Variants in GPR39 observed in about 807,000 individuals in gnomAD.
GPR39 encodes G protein-coupled receptor 39, also known as zinc sensing receptor.
In GPR39, 23 loss-of-function variants were observed where a neutral mutation model predicts 18.4. The observed-to-expected ratio is 1.25, with a 90% CI of 0.90 to 1.77. GPR39 has a LOEUF of 1.77. Ranked by LOEUF, GPR39 falls within the 40% of genes most tolerant of loss-of-function variation. The pLI, the probability that GPR39 is intolerant of heterozygous loss-of-function variation, is 0.00. For synonymous variants in GPR39, 280 were observed against 257.9 expected (o/e 1.09, Z -0.82); for missense variants, 647 against 602.4 (o/e 1.07, Z -0.78).
intron 1 of GPR39, among the ~76,000 whole-genome samples, chr2:132,518,930 G>A (rs938503171): frequency 4.1e-4 from 63 of 152,106 alleles, no homozygotes; most frequent in African/African-American, 1.5e-3. Context: ...TAGCCACAAG[G>A]GGCTGGTGGC....
rs1414779155 is a variant in GPR39, at chr2:132,416,919, A to G, written c.-124A>G. Reference sequence around the variant, plus strand: ...ATACTAAGTTACCTTCGCGAGGAGAACTCGAGTGAGATAAAATCGTGCGCC... The same window carrying G: ...ATACTAAGTTACCTTCGCGAGGAGAGCTCGAGTGAGATAAAATCGTGCGCC... On this transcript the variant is annotated 5_prime_UTR_variant, in exon 1 of 2. Coordinates refer to ENST00000329321, the MANE Select transcript of GPR39 (RefSeq NM_001508.3). 4 of 1,236,362 alleles carry G rather than the reference A, an allele frequency of 3.2e-6. No individual in the cohort carries two copies. In the African/African-American group the frequency reaches 6.0e-5, roughly 19 times the overall value. 76.6% of individuals were successfully genotyped at this position (1,236,362 alleles called of 1,614,324 possible).
chr2:132,482,149 C>T lies in GPR39; in HGVS notation c.856+64251C>T, dbSNP rs146568772. The stretch of plus-strand genomic sequence containing the variant: ...CTCCTTTGCCTGCCTGTCTGCCTCT[C>T]TTTGTAGACAAGCAATTAACTGATT... On this transcript the variant is annotated intron_variant, in intron 1 of 1. Coordinates refer to ENST00000329321, the MANE Select transcript of GPR39 (RefSeq NM_001508.3). Among the ~76,000 whole-genome samples the T allele has an allele frequency of 2.4e-3, 361 of 152,314 alleles. 2 individuals carry two copies. The highest frequency in any genetic ancestry group is 7.5e-3 in the African/African-American group (310 of 41,564).
At chr2:132,588,311 G>A (rs1680767895) in intron 1 of GPR39, among the ~76,000 whole-genome samples, 1 of 152,148 alleles carries the variant, frequency 6.6e-6, no homozygotes, top group Admixed American at 6.5e-5. Flanking sequence ...GTATCCCTTG[G>A]TGGGAGGGAA....
At chr2:132,527,749 T>G (rs922641552) in intron 1 of GPR39, among the ~76,000 whole-genome samples, 1 of 152,228 alleles carries the variant, frequency 6.6e-6, no homozygotes. Flanking sequence ...TTTTGAGAAG[T>G]GTCTGTTCAT....
intron 1 of GPR39, among the ~76,000 whole-genome samples, chr2:132,585,552 T>G (rs1680708528): frequency 1.3e-5 from 2 of 152,216 alleles, no homozygotes; most frequent in South Asian, 4.1e-4. Flanking sequence ...CGCGCATCTG[T>G]GTGTGCGGAC....
chr2:132,455,870 A>G (rs1680713061), intron 1 of GPR39, among the ~76,000 whole-genome samples: 1 of 152,058 alleles, frequency 6.6e-6, no homozygotes, highest in African/African-American at 2.4e-5. Context: ...CTCTTGTTTT[A>G]CATTTGCTGA....
Position 132,493,511 on chromosome 2 carries a change from T to TATATATACACC in GPR39, c.856+75620_856+75621insCACCATATATA, listed in dbSNP as rs1558815488. ...ACCATATATATATATACACCATATA[T>TATATATACACC]ATATATATATATATATACACACACC... On this transcript the variant is annotated intron_variant, in intron 1 of 1. Transcript: ENST00000329321. Among the ~76,000 whole-genome samples the TATATATACACC allele has an allele frequency of 3.5e-3, 491 of 140,350 alleles. 4 individuals carry two copies. Among genetic ancestry groups the TATATATACACC allele is most frequent in the African/African-American group, 0.012 (436 of 35,900 alleles). The allele number at this position is 140,350 out of a possible 152,430, so 92.1% of individuals were successfully genotyped here.
At chr2:132,452,829 T>G (rs1187291639) in intron 1 of GPR39, among the ~76,000 whole-genome samples, 1 of 151,192 alleles carries the variant, frequency 6.6e-6, no homozygotes, top group African/African-American at 2.4e-5. Flanking sequence ...TATGGCTGCA[T>G]AGTATTCCAC....
chr2:132,570,205 C>G (rs896368209), intron 1 of GPR39, among the ~76,000 whole-genome samples: 1 of 152,096 alleles, frequency 6.6e-6, no homozygotes, highest in African/African-American at 2.4e-5. Context: ...TTTCTTCCAC[C>G]TTTATCCAGG....
rs145895097 is a variant in GPR39 at position 132,483,731 on chromosome 2, T to G, written c.856+65833T>G. 8.0e-3 allele frequency among the ~76,000 whole-genome samples: 1,213 copies of G among 152,268 alleles called. 20 individuals are homozygous for G. The highest frequency in any genetic ancestry group is 0.027 in the African/African-American group (1,130 of 41,538). The stretch of plus-strand genomic sequence containing the variant: ...CTCCAAAATGCATTCACATTCATGC[T>G]GAGAAATCCAGAACTGCATTCTCAG... On this transcript the variant is annotated intron_variant, in intron 1 of 1. Transcript: ENST00000329321.
At chr2:132,492,210 A>G (rs1276260958) in intron 1 of GPR39, among the ~76,000 whole-genome samples, 9 of 144,056 alleles carry the variant, frequency 6.2e-5, no homozygotes, top group African/African-American at 2.4e-4. Flanking sequence ...TATATACCAT[A>G]TATATACATA....
intron 1 of GPR39, among the ~76,000 whole-genome samples, chr2:132,465,920 AATATG>A (rs1280817595): frequency 2.0e-5 from 3 of 152,352 alleles, no homozygotes; most frequent in Non-Finnish European, 2.9e-5. Flanking sequence ...GGGTGATGAA[AATATG>A]ATATATTTTT....
Position 132,645,245 on chromosome 2 carries a change from A to G in GPR39, c.1001A>G (p.Tyr334Cys). ...ILLPFSETFF[Y>C]LSSVINPLLY... ...CTCCCCTTCTCGGAGACGTTTTTCT[A>G]CCTCAGCTCGGTCATCAACCCGCTC... Residue 334 changes from tyrosine (Y) to cysteine (C), a missense_variant, in exon 2 of 2, where the codon TAC becomes TGC. Coordinates refer to ENST00000329321, the MANE Select transcript of GPR39 (RefSeq NM_001508.3). The G allele has an allele frequency of 6.2e-7, 1 of 1,613,924 alleles. No homozygotes were observed. The highest frequency in any genetic ancestry group is 8.5e-7 in the Non-Finnish European group (1 of 1,179,968).
chr2:132,438,009 T>A (rs1420709373), intron 1 of GPR39, among the ~76,000 whole-genome samples: 1 of 152,222 alleles, frequency 6.6e-6, no homozygotes, highest in African/African-American at 2.4e-5. Context: ...AGAGGTCATG[T>A]TGTCATAACA....
chr2:132,462,588 C>T (rs1221822623), intron 1 of GPR39, among the ~76,000 whole-genome samples: 1 of 152,188 alleles, frequency 6.6e-6, no homozygotes, highest in African/African-American at 2.4e-5. Flanking sequence ...CTTTTCCTGC[C>T]TCCATTTTCT....
At chr2:132,485,616 A>G (rs1014797448) in intron 1 of GPR39, among the ~76,000 whole-genome samples, 1 of 152,250 alleles carries the variant, frequency 6.6e-6, no homozygotes, top group Non-Finnish European at 1.5e-5. Context: ...AGTAGATTTC[A>G]TCTCAGTAAA....
intron 1 of GPR39, among the ~76,000 whole-genome samples, chr2:132,500,747 A>T (rs1458143475): frequency 6.6e-6 from 1 of 152,000 alleles, no homozygotes; most frequent in Non-Finnish European, 1.5e-5. Flanking sequence ...TAACCCTTTC[A>T]GTCTCACTGC....
intron 1 of GPR39, among the ~76,000 whole-genome samples, chr2:132,489,272 G>T (rs184485032): frequency 1.3e-5 from 2 of 152,210 alleles, no homozygotes; most frequent in East Asian, 3.9e-4. Context: ...TCCTTGCAAT[G>T]ACCTTTTCCC....
rs13008761 is a variant in GPR39, at chr2:132,516,295, G to A, written c.856+98397G>A. Among the ~76,000 whole-genome samples, 1,496 of 152,280 alleles carry A rather than the reference G, an allele frequency of 9.8e-3. 11 individuals are homozygous for A. The highest frequency in any genetic ancestry group is 0.016 in the Non-Finnish European group (1,107 of 68,012). On this transcript the variant is annotated intron_variant, in intron 1 of 1. Coordinates refer to ENST00000329321, the MANE Select transcript of GPR39 (RefSeq NM_001508.3). ...AATTCAGAGCTTCTCATCAGACAAC[G>A]GGTCTCTAGGAATGAGGAGCAGACC...
Sources: allele counts gnomAD v4.1 joint callset (sites outside exome capture counted in the v4.1 genomes callset), GRCh38; gene constraint gnomAD v4.1.1; transcripts MANE v1.5; gene names NCBI Gene and HGNC (gene_info 2026-07-23, HGNC 2026-07-21).